Variants in FBLN1 observed in about 807,000 individuals in gnomAD.
The protein encoded by FBLN1 is fibulin 1, also known as fibulin-1.
A neutral mutation model predicts 89.7 loss-of-function variants in FBLN1; 34 were observed. That is an observed-to-expected ratio of 0.38 (90% CI 0.29 to 0.50). The LOEUF (loss-of-function observed/expected upper bound fraction) is 0.50. Ranked by LOEUF, FBLN1 falls within the 20% of genes least tolerant of loss-of-function variation. FBLN1 has a pLI of 0.92. For synonymous variants in FBLN1, 393 were observed against 391.3 expected, an observed-to-expected ratio of 1.00 and a Z score of -0.05; for missense variants, 777 against 988.1, an observed-to-expected ratio of 0.79 and a Z score of 2.86.
At chr22:45,525,235 G>A (rs2088309748) in intron 2 of FBLN1, among the ~76,000 whole-genome samples, 1 of 152,134 alleles carries the variant, frequency 6.6e-6, no homozygotes, top group Non-Finnish European at 1.5e-5. Context: ...GAAAAGAAAA[G>A]AAAGAAAGAG....
rs1382374019 is a variant in FBLN1 at position 45,547,220 on chromosome 22, C to T, written c.1441+16C>T. The T allele has an allele frequency of 6.2e-7, 1 of 1,613,030 alleles. No homozygotes were observed. The highest frequency in any genetic ancestry group is 8.5e-7 in the Non-Finnish European group (1 of 1,179,922). On this transcript the variant is annotated intron_variant, in intron 12 of 16. Transcript: ENST00000327858. ...ACCTGTGAAGGTGCGGACGCCCCTG[C>T]CTGCTGAGGGGGAAAGCACCCCCTG...
Position 45,563,173 on chromosome 22 carries a change from C to G in FBLN1, c.1698-11338C>G. The G allele has an allele frequency of 6.2e-7, 1 of 1,613,800 alleles. No homozygotes were observed. The highest frequency in any genetic ancestry group is 8.5e-7 in the Non-Finnish European group (1 of 1,180,032). On this transcript the variant is annotated intron_variant, in intron 14 of 16. Transcript: ENST00000327858. This position sits in a 1 kb window ranked among gnomAD's most constrained non-coding sequence, Gnocchi z 5.7. ...CCAAGCCTGTCCCCGAGCCCAGGGACTTGCTCCTGACCGTCAAGATGGATC... is the reference window on the plus strand; with the variant it reads ...CCAAGCCTGTCCCCGAGCCCAGGGAGTTGCTCCTGACCGTCAAGATGGATC...
intron 12 of FBLN1, among the ~76,000 whole-genome samples, chr22:45,547,619 C>T (rs919345704): frequency 2.0e-5 from 3 of 151,952 alleles, no homozygotes; most frequent in African/African-American, 4.8e-5. Flanking sequence ...AGGCTGGTCT[C>T]GAACTCCGTG....
chr22:45,536,225 T>A lies in FBLN1; in HGVS notation c.922+888T>A, dbSNP rs1436126785. ...AAAACAGTCTGTGTTAGTATTTGAA[T>A]TCATAGAGACAGAAAGTAGAATGGA... On this transcript the variant is annotated intron_variant, in intron 8 of 16. Coordinates refer to ENST00000327858, the MANE Select transcript of FBLN1 (RefSeq NM_006486.3). This position sits in a 1 kb window ranked among gnomAD's most constrained non-coding sequence, Gnocchi z 5.1. 6.6e-6 allele frequency among the ~76,000 whole-genome samples: 1 copy of A among 152,132 alleles called. No homozygotes were observed. Among genetic ancestry groups the A allele is most frequent in the Non-Finnish European group, 1.5e-5 (1 of 68,030 alleles).
At position 45,576,844 on chromosome 22, in the gene FBLN1, T is replaced by G; in HGVS notation, c.1841-133T>G. 1 of 1,042,760 alleles carries G rather than the reference T, an allele frequency of 9.6e-7. No individual in the cohort carries two copies. Among genetic ancestry groups the G allele is most frequent in the Non-Finnish European group, 1.4e-6 (1 of 694,616 alleles). 64.6% of individuals were successfully genotyped at this position (1,042,760 alleles called of 1,614,324 possible). ...CCTCCCCACACAGGGGATCTCTGGC[T>G]TCATTGATGTTGTCTCATGAAAGGG... On this transcript the variant is annotated intron_variant, in intron 15 of 16. Coordinates refer to ENST00000327858, the MANE Select transcript of FBLN1 (RefSeq NM_006486.3). This position sits in a 1 kb window ranked among gnomAD's most constrained non-coding sequence, Gnocchi z 5.2.
intron 14 of FBLN1, among the ~76,000 whole-genome samples, chr22:45,570,709 T>C (rs144228481): frequency 3.2e-4 from 49 of 152,176 alleles, no homozygotes; most frequent in African/African-American, 9.6e-4. Context: ...AAGAAAACTT[T>C]CCATAAATTA....
At chr22:45,516,629 G>A (rs560766817) in intron 1 of FBLN1, among the ~76,000 whole-genome samples, 8 of 152,202 alleles carry the variant, frequency 5.3e-5, no homozygotes, top group African/African-American at 1.4e-4. Flanking sequence ...GAAGAGCATC[G>A]CTGGAGAGGG....
intron 14 of FBLN1, among the ~76,000 whole-genome samples, chr22:45,573,527 A>G (rs1190860417): frequency 6.6e-6 from 1 of 151,184 alleles, no homozygotes; most frequent in Admixed American, 6.6e-5. Flanking sequence ...AAAATACAAA[A>G]AAAATTAGCC....
At position 45,574,748 on chromosome 22, in the gene FBLN1, G is replaced by A. The variant is rs1165139338; in HGVS notation, c.1840+95G>A. The A allele has an allele frequency of 2.1e-6, 2 of 958,782 alleles. No individual in the cohort carries two copies. Among genetic ancestry groups the A allele is most frequent in the Non-Finnish European group, 3.2e-6 (2 of 620,780 alleles). The allele number at this position is 958,782 out of a possible 1,614,324, so 59.4% of individuals were successfully genotyped here. On this transcript the variant is annotated intron_variant, in intron 15 of 16. Transcript: ENST00000327858. The surrounding 1 kb of genome is among the most constrained non-coding windows in gnomAD (Gnocchi z 4.1). Reference sequence around the variant, plus strand: ...CTACAGGAGTTGTTCCTTGTAAGATGTGGCCCAGGCTTTGAAATGCAGAAC... The same window carrying A: ...CTACAGGAGTTGTTCCTTGTAAGATATGGCCCAGGCTTTGAAATGCAGAAC...
intron 1 of FBLN1, among the ~76,000 whole-genome samples, chr22:45,510,989 G>A (rs898479954): frequency 5.3e-5 from 8 of 152,148 alleles, no homozygotes; most frequent in Non-Finnish European, 1.2e-4. Context: ...GTTGGCCATC[G>A]GGCACCGTGT....
At chr22:45,554,147 G>T (rs2088745087) in intron 14 of FBLN1, among the ~76,000 whole-genome samples, 1 of 152,246 alleles carries the variant, frequency 6.6e-6, no homozygotes, top group Non-Finnish European at 1.5e-5. Flanking sequence ...CCAGTAGAGC[G>T]GGAGGACGAT....
At chr22:45,541,185 C>T in intron 8 of FBLN1, 44 bp from the exon 9 acceptor site, 1 of 1,613,718 alleles carries the variant, frequency 6.2e-7, no homozygotes, top group East Asian at 2.2e-5. Context: ...TTCTGGGACA[C>T]CCTCCAGGTT....
Position 45,541,338 on chromosome 22 carries a change from C to T in FBLN1, c.1032C>T (p.Gly344=), listed in dbSNP as rs1215978822. 6.2e-7 allele frequency: 1 copy of T among 1,614,250 alleles called. No individual in the cohort carries two copies. Among genetic ancestry groups the T allele is most frequent in the East Asian group, 2.2e-5 (1 of 44,890 alleles). The change falls in exon 9 of 17, where the codon GGC becomes GGT. Residue 344 remains glycine, a synonymous_variant. Coordinates refer to ENST00000327858, the MANE Select transcript of FBLN1 (RefSeq NM_006486.3). ...AGAACGTGCCCAACTGTGGCCGTGG[C>T]TACCATCTCAACGAGGAGGGAACGC... ...CQKNVPNCGR[G]YHLNEEGTRC...
intron 16 of FBLN1, among the ~76,000 whole-genome samples, chr22:45,599,297 G>A (rs543542700): frequency 5.8e-4 from 88 of 152,190 alleles, no homozygotes; most frequent in African/African-American, 2.1e-3. Context: ...ACTGCCCTGG[G>A]GACGCCACTG....
In FBLN1 at chr22:45,533,651, C is replaced by T. The variant is rs918497585; in HGVS notation, c.647-110C>T. 35 of 1,300,864 alleles carry T rather than the reference C, an allele frequency of 2.7e-5. 1 individual carries two copies. The highest frequency in any genetic ancestry group is 1.4e-4 in the South Asian group (12 of 84,004). The allele number at this position is 1,300,864 out of a possible 1,614,324, so 80.6% of individuals were successfully genotyped here. ...ACATGGTGGACCTGAGCTCAGTTTG[C>T]GAGGGTGCAGGGAAGCACTTCCACC... On this transcript the variant is annotated intron_variant, in intron 6 of 16. Transcript: ENST00000327858.
chr22:45,574,834 T>G lies in FBLN1; in HGVS notation c.1840+181T>G, dbSNP rs2088981510. On this transcript the variant is annotated intron_variant, in intron 15 of 16. Transcript: ENST00000327858. This position sits in a 1 kb window ranked among gnomAD's most constrained non-coding sequence, Gnocchi z 4.1. ...TCTCGCTCTGTCGCCCGGGCTGGAG[T>G]GCAGTGGTGCCATCTCGGCTCACTG... Among the ~76,000 whole-genome samples, 1 of 142,332 alleles carries G rather than the reference T, an allele frequency of 7.0e-6. No individual in the cohort carries two copies. Among genetic ancestry groups the G allele is most frequent in the Non-Finnish European group, 1.5e-5 (1 of 66,984 alleles). 93.4% of individuals were successfully genotyped at this position (142,332 alleles called of 152,430 possible). A position where few individuals can be genotyped will look rare whatever the true frequency, so the allele number is the denominator to read the frequency against.
chr22:45,543,704 G>A (rs905468263), intron 11 of FBLN1, among the ~76,000 whole-genome samples, 178 bp downstream of exon 11: 4 of 152,220 alleles, frequency 2.6e-5, no homozygotes, highest in Non-Finnish European at 5.9e-5. Flanking sequence ...CTGCCCACCC[G>A]ATTTCTCCTG....
rs1052772727 is a variant in FBLN1 at position 45,596,830 on chromosome 22, TTA to T, written c.1973-3472_1973-3471del. Among the ~76,000 whole-genome samples, 29 of 145,140 alleles carry T rather than the reference TTA, an allele frequency of 2.0e-4. No individual in the cohort carries two copies. In the South Asian group the frequency reaches 5.6e-3, roughly 28 times the overall value. ...ATGTGTAAATATAATTATATAATAA[TTA>T]TATAAATTTATATGTAAATTTATAA... On this transcript the variant is annotated intron_variant, in intron 16 of 16. Coordinates refer to ENST00000327858, the MANE Select transcript of FBLN1 (RefSeq NM_006486.3).
intron 1 of FBLN1, among the ~76,000 whole-genome samples, chr22:45,510,694 TAGAA>T (rs899599651): frequency 3.9e-5 from 6 of 152,124 alleles, no homozygotes; most frequent in South Asian, 2.1e-4. Context: ...TCTGTAGTCT[TAGAA>T]AGAGCACGTG....
Sources: gnomAD v4.1 joint callset for allele counts (sites outside exome capture counted in the v4.1 genomes callset) on GRCh38, gnomAD v4.1.1 for gene constraint, Gnocchi (gnomAD v3.1) non-coding constraint, MANE v1.5 for transcripts, NCBI Gene and HGNC (gene_info 2026-07-23, HGNC 2026-07-21) for gene names.